The following KLHL15 variants were observed in gnomAD, a reference collection of about 807,000 sequenced individuals.
KLHL15 encodes kelch-like protein 15.
A neutral mutation model predicts 29.3 loss-of-function variants in KLHL15; 1 was observed. The ratio of observed to expected loss-of-function variants is 0.03; its 90% CI spans 0.01 to 0.16. The LOEUF (loss-of-function observed/expected upper bound fraction) is 0.16. Ranked by LOEUF, KLHL15 falls within the 10% of genes least tolerant of loss-of-function variation. The pLI is 1.00. For missense variants in KLHL15, 215 were observed against 478.5 expected (o/e 0.45, Z 5.14); for synonymous variants, 212 against 184.5 (o/e 1.15, Z -1.21).
chrX:23,995,813 G>A (rs1418227693), intron 3 of KLHL15, among the ~76,000 whole-genome samples: 2 of 111,251 alleles, frequency 1.8e-5, no homozygotes, highest in Non-Finnish European at 3.8e-5. Flanking sequence ...ACAATGGTGC[G>A]ATCTTGGCTC....
At chrX:23,998,492 C>G (rs970024839) in intron 3 of KLHL15, among the ~76,000 whole-genome samples, 1 of 108,822 alleles carries the variant, frequency 9.2e-6, no homozygotes, top group East Asian at 2.9e-4. Flanking sequence ...CTCCTGAACT[C>G]GTGATCTGCC....
rs188666462 is a variant in KLHL15, at chrX:23,991,005, G to A, written c.706-1975C>T. Among the ~76,000 whole-genome samples the A allele has an allele frequency of 5.2e-3, 579 of 110,534 alleles. 8 individuals are homozygous for A. The highest frequency in any genetic ancestry group is 0.018 in the African/African-American group (553 of 30,403). ...CCATGGGCTTCACAACATCAGCAAA[G>A]GGGTAAATAGCACAAAAAAGGCTGA... On this transcript the variant is annotated intron_variant, in intron 3 of 3. Coordinates refer to ENST00000328046, the MANE Select transcript of KLHL15 (RefSeq NM_030624.3).
chrX:24,026,263 C>T (rs1816123655), intron 1 of KLHL15, among the ~76,000 whole-genome samples: 1 of 111,939 alleles, frequency 8.9e-6, no homozygotes, highest in East Asian at 2.8e-4. Flanking sequence ...GGAGATAATG[C>T]CGGATTTAAA....
At chrX:24,010,777 G>GCGGACACTACAGTCAACTGCTGTCA (rs1169025867) in intron 2 of KLHL15, among the ~76,000 whole-genome samples, 6 of 111,251 alleles carry the variant, frequency 5.4e-5, no homozygotes, top group Non-Finnish European at 9.4e-5. Context: ...CAGAGAAGCA[G>GCGGACACTACAGTCAACTGCTGTCA]CGGACACTAC....
chrX:23,989,981 T>C (rs1929049203), intron 3 of KLHL15, among the ~76,000 whole-genome samples: 1 of 109,307 alleles, frequency 9.1e-6, no homozygotes, highest in Non-Finnish European at 1.9e-5. Context: ...CTTCTGGAGC[T>C]GGAGCTACCT....
chrX:24,023,026 C>T (rs1929845651), intron 2 of KLHL15, among the ~76,000 whole-genome samples: 1 of 111,816 alleles, frequency 8.9e-6, no homozygotes, highest in Non-Finnish European at 1.9e-5. Flanking sequence ...TGAGCCACCG[C>T]TCCCGGCTCT....
chrX:24,025,222 T>TG (rs917764770), intron 1 of KLHL15, among the ~76,000 whole-genome samples, 164 bp from the exon 2 acceptor site: 51 of 110,364 alleles, frequency 4.6e-4, no homozygotes, highest in Admixed American at 7.5e-4. Context: ...GGAAAAGGGC[T>TG]GGGGGGCAGC....
chrX:24,007,470 G>C (rs1251811898), intron 2 of KLHL15, among the ~76,000 whole-genome samples: 5 of 89,995 alleles, frequency 5.6e-5, no homozygotes, highest in African/African-American at 2.1e-4. Context: ...GCCAGCCTGG[G>C]AGACAGCAAG....
chrX:24,010,856 T>C (rs1332262005), intron 2 of KLHL15, among the ~76,000 whole-genome samples: 2 of 111,174 alleles, frequency 1.8e-5, no homozygotes, highest in Non-Finnish European at 3.8e-5. Context: ...GTCACCACTC[T>C]GTCAATGCCT....
intron 3 of KLHL15, among the ~76,000 whole-genome samples, chrX:23,992,916 C>T (rs960012012): frequency 9.9e-5 from 11 of 111,382 alleles, no homozygotes; most frequent in African/African-American, 2.9e-4. Context: ...TGTGACTTGA[C>T]GAAGTAAGAG....
chrX:24,008,187 G>A (rs1432321720), intron 2 of KLHL15, among the ~76,000 whole-genome samples: 1 of 112,270 alleles, frequency 8.9e-6, no homozygotes, highest in Non-Finnish European at 1.9e-5. Flanking sequence ...TCAGAGAAAT[G>A]AAGGTAAAAT....
At chrX:23,990,868 A>G (rs1929068631) in intron 3 of KLHL15, among the ~76,000 whole-genome samples, 1 of 111,007 alleles carries the variant, frequency 9.0e-6, no homozygotes, top group African/African-American at 3.3e-5. Flanking sequence ...AGTGGTCAAA[A>G]CAAAAAACGT....
At chrX:23,990,424 G>T (rs769390339) in intron 3 of KLHL15, among the ~76,000 whole-genome samples, 39 of 111,292 alleles carry the variant, frequency 3.5e-4, no homozygotes, top group Non-Finnish European at 6.4e-4. Flanking sequence ...AGAAGTAGGG[G>T]ACCAAGCAGA....
intron 2 of KLHL15, 92 bp downstream of exon 2, chrX:24,024,765 C>T: frequency 3.4e-6 from 1 of 297,210 alleles, no homozygotes. Context: ...TGACTCGGGT[C>T]CGTGCAGAGA....
At chrX:24,025,107 G>A (rs953021288) in intron 1 of KLHL15, 49 bp from the exon 2 acceptor site, 2 of 295,826 alleles carry the variant, frequency 6.8e-6, no homozygotes, top group East Asian at 4.8e-5. Context: ...GTCGGGCTCC[G>A]CACGAGGCGG....
chrX:23,991,256 G>C (rs144662100), intron 3 of KLHL15, among the ~76,000 whole-genome samples: 165 of 107,919 alleles, frequency 1.5e-3, no homozygotes, highest in Non-Finnish European at 2.7e-3. Flanking sequence ...AAGAGGCTGA[G>C]GCAGGAAAAT....
At chrX:24,020,163 T>A (rs1929774594) in intron 2 of KLHL15, among the ~76,000 whole-genome samples, 1 of 112,610 alleles carries the variant, frequency 8.9e-6, no homozygotes, top group African/African-American at 3.2e-5. Context: ...AAAGGCTTAC[T>A]ACGGATAAAA....
chrX:24,012,162 T>C (rs1352241207), intron 2 of KLHL15, among the ~76,000 whole-genome samples: 1 of 112,072 alleles, frequency 8.9e-6, no homozygotes, highest in Non-Finnish European at 1.9e-5. Flanking sequence ...CTCAAAAAAA[T>C]AAAAAATAAA....
chrX:23,993,099 C>T (rs181493611), intron 3 of KLHL15, among the ~76,000 whole-genome samples: 1 of 112,042 alleles, frequency 8.9e-6, no homozygotes, highest in Non-Finnish European at 1.9e-5. Context: ...AATACAATTA[C>T]TAAGAAGAAA....
Sources: gnomAD v4.1 joint callset for allele counts (sites outside exome capture counted in the v4.1 genomes callset) on GRCh38, gnomAD v4.1.1 for gene constraint, MANE v1.5 for transcripts, NCBI Gene and HGNC (gene_info 2026-07-23, HGNC 2026-07-21) for gene names.